The following INO80 variants were observed in gnomAD, a reference collection of about 807,000 sequenced individuals.
The protein encoded by INO80 is INO80 complex ATPase subunit.
INO80 carries 20 observed loss-of-function variants against 203.4 expected under a neutral mutation model. The ratio of observed to expected loss-of-function variants is 0.10; its 90% confidence interval spans 0.07 to 0.14. The LOEUF (loss-of-function observed/expected upper bound fraction) is 0.14. Among genes scored for constraint, INO80 ranks in the 10% least tolerant of loss-of-function variants. The probability of loss-of-function intolerance (pLI) is 1.00; values close to 1 mark genes in which losing one functional copy is unlikely to be tolerated. For synonymous variants in INO80, 726 were observed against 685.2 expected (o/e 1.06, Z -0.93); for missense variants, 1,419 against 1,914.4 (o/e 0.74, Z 4.83).
Position 41,027,579 on chromosome 15 carries a change from C to A in INO80, c.3048+17G>T. On this transcript the variant is annotated intron_variant, in intron 25 of 35. Coordinates refer to ENST00000648947, the MANE Select transcript of INO80 (RefSeq NM_017553.3). ...CTATTGCCATCTATTTCATCTCTTCCCTCCTGGAGCACTTACTCGTGGACT... is the reference window on the plus strand; with the variant it reads ...CTATTGCCATCTATTTCATCTCTTCACTCCTGGAGCACTTACTCGTGGACT... 6.4e-7 allele frequency: 1 copy of A among 1,572,342 alleles called. No individual in the cohort carries two copies. The highest frequency in any genetic ancestry group is 8.6e-7 in the Non-Finnish European group (1 of 1,157,990).
intron 25 of INO80, among the ~76,000 whole-genome samples, chr15:41,022,062 C>A (rs766888944): frequency 6.6e-6 from 1 of 152,218 alleles, no homozygotes; most frequent in Non-Finnish European, 1.5e-5. Context: ...GGTTGAATAT[C>A]CCTAATCTGA....
chr15:41,085,045 A>AT (rs2045539693), intron 7 of INO80, among the ~76,000 whole-genome samples: 1 of 152,040 alleles, frequency 6.6e-6, no homozygotes, highest in South Asian at 2.1e-4. Flanking sequence ...CCTCTTTTTA[A>AT]TTTTTTCTAA....
chr15:41,001,686 C>A (rs8040425), intron 28 of INO80, among the ~76,000 whole-genome samples: 4 of 152,134 alleles, frequency 2.6e-5, no homozygotes, highest in Admixed American at 2.6e-4. Flanking sequence ...AATGCTGCCC[C>A]GTCAGGACAT....
At chr15:41,083,094 A>G (rs2045508874) in intron 7 of INO80, among the ~76,000 whole-genome samples, 1 of 151,898 alleles carries the variant, frequency 6.6e-6, no homozygotes, top group African/African-American at 2.4e-5. Context: ...CAGCCTGGCT[A>G]ATAGGGTGAA....
intron 1 of INO80, among the ~76,000 whole-genome samples, chr15:41,100,945 C>T (rs1343308916): frequency 3.3e-5 from 5 of 151,526 alleles, no homozygotes; most frequent in Admixed American, 2.6e-4. Flanking sequence ...TCTCTCACCT[C>T]CAGCCTCCCA....
intron 14 of INO80, among the ~76,000 whole-genome samples, chr15:41,062,931 G>C (rs191126991): frequency 2.0e-3 from 306 of 152,330 alleles, no homozygotes; most frequent in African/African-American, 6.7e-3. Flanking sequence ...GCTAAGAGAG[G>C]GAGGGAGAGC....
Position 41,027,603 on chromosome 15 carries a change from C to A in INO80, c.3041G>T (p.Ser1014Ile), listed in dbSNP as rs1161904340. The A allele has an allele frequency of 6.2e-7, 1 of 1,609,352 alleles. No individual in the cohort carries two copies. Among genetic ancestry groups the A allele is most frequent in the Non-Finnish European group, 8.5e-7 (1 of 1,177,980 alleles). ...TELPSFLCVA[S>I]PRVTAVPLDS... ...CCCTCCTGGAGCACTTACTCGTGGACTGGCCACACACAAAAAAGATGGCAG... is the reference window on the plus strand; with the variant it reads ...CCCTCCTGGAGCACTTACTCGTGGAATGGCCACACACAAAAAAGATGGCAG... Residue 1014 changes from serine (S) to isoleucine (I), a missense_variant, in exon 25 of 36, where the codon AGT (serine) becomes ATT (isoleucine). Ser to Ile is a moderately radical substitution (Grantham distance 142). This residue lies in a region of INO80 where 302 missense variants were observed against 345.4 expected (regional missense o/e 0.87). Transcript: ENST00000648947.
At chr15:41,049,799 T>C (rs957859787) in intron 20 of INO80, 136 bp downstream of exon 20, 3 of 758,490 alleles carry the variant, frequency 4.0e-6, no homozygotes, top group Non-Finnish European at 6.4e-6. Flanking sequence ...GGCAGGAGAA[T>C]TGCCTGAACC....
chr15:40,988,500 T>A (rs1266080201), intron 29 of INO80, among the ~76,000 whole-genome samples: 1 of 152,184 alleles, frequency 6.6e-6, no homozygotes, highest in East Asian at 1.9e-4. Flanking sequence ...GTGGGAGGAT[T>A]GCTTGAGCCT....
At chr15:41,037,987 CCT>C (rs1009682542) in intron 24 of INO80, among the ~76,000 whole-genome samples, 2 of 150,700 alleles carry the variant, frequency 1.3e-5, no homozygotes, top group African/African-American at 4.9e-5. Context: ...CCACCAAATG[CCT>C]CTCTTGCCCC....
intron 25 of INO80, chr15:41,023,179 A>G (rs2044320525): frequency 2.4e-6 from 1 of 409,022 alleles, no homozygotes; most frequent in Non-Finnish European, 4.9e-6. Flanking sequence ...CCACTAATAC[A>G]TGAGCATGGG....
rs1034282834 is a variant in INO80, at chr15:41,027,673, G to A, written c.2971C>T (p.Arg991Trp). 1.1e-5 allele frequency: 17 copies of A among 1,613,630 alleles called. No homozygotes were observed. The highest frequency in any genetic ancestry group is 4.5e-5 in the East Asian group (2 of 44,878). ...CGCAGCGAGGAGGTAGCTGATCTCC[G>A]CTGATGGACAACCTGGTCTGAGTAG... is the stretch of plus-strand genomic sequence containing the variant. ...SGYSDQVVHQ[R>W]RSATSSLRRC... Residue 991 changes from arginine (R) to tryptophan (W), a missense_variant, in exon 25 of 36, where the codon CGG becomes TGG. Physicochemically the swap from Arg to Trp is moderately radical, Grantham distance 101. This residue lies in a region of INO80 where 302 missense variants were observed against 345.4 expected (regional missense o/e 0.87). Coordinates refer to ENST00000648947, the MANE Select transcript of INO80 (RefSeq NM_017553.3).
intron 1 of INO80, among the ~76,000 whole-genome samples, chr15:41,114,288 A>G (rs927169526): frequency 6.6e-6 from 1 of 151,098 alleles, no homozygotes; most frequent in Non-Finnish European, 1.5e-5. Flanking sequence ...AAAAAAAAAC[A>G]TTCATTTTAA....
At chr15:40,993,114 T>C (rs918761023) in intron 29 of INO80, among the ~76,000 whole-genome samples, 1 of 152,156 alleles carries the variant, frequency 6.6e-6, no homozygotes, top group African/African-American at 2.4e-5. Flanking sequence ...TTTCTGGCCT[T>C]CAGGATGAAA....
At chr15:41,000,572 G>C (rs1422753150) in intron 28 of INO80, among the ~76,000 whole-genome samples, 1 of 151,840 alleles carries the variant, frequency 6.6e-6, no homozygotes, top group Non-Finnish European at 1.5e-5. Flanking sequence ...GTACGAGCCT[G>C]TAGTCTCAGC....
At chr15:40,990,364 CTCTTTT>C (rs543519823) in intron 29 of INO80, among the ~76,000 whole-genome samples, 188 of 152,254 alleles carry the variant, frequency 1.2e-3, no homozygotes, top group African/African-American at 4.5e-3. Context: ...GTTTCTGTCT[CTCTTTT>C]TCTTTTCTGA....
Position 41,074,387 on chromosome 15 carries a change from A to G in INO80, c.1310T>C (p.Ile437Thr). Residue 437 changes from isoleucine (I) to threonine (T), a missense_variant, in exon 10 of 36, where the codon ATC becomes ACC. Ile to Thr is a moderately conservative substitution (Grantham distance 89). Around this residue, in one of 9 missense-constraint regions of INO80, gnomAD observed 116 missense variants for 119.5 expected, o/e 0.97. Transcript: ENST00000648947. The stretch of plus-strand genomic sequence containing the variant: ...GGACTCACCATAATCCTCCTGTGTG[A>G]TGTTAACTACCACTCCTCCACCTAT... Reference protein sequence around the residue: ...IDIGGGVVVNITQEDYDSNHF... With the variant: ...IDIGGGVVVNTTQEDYDSNHF... 1 of 1,611,788 alleles carries G rather than the reference A, an allele frequency of 6.2e-7. No homozygotes were observed. The highest frequency in any genetic ancestry group is 8.5e-7 in the Non-Finnish European group (1 of 1,179,114).
At chr15:41,104,547 CT>C (rs919327663) in intron 1 of INO80, among the ~76,000 whole-genome samples, 1 of 151,702 alleles carries the variant, frequency 6.6e-6, no homozygotes, top group African/African-American at 2.4e-5. Context: ...CTTTTCTTTT[CT>C]TTTTTTTAAA....
intron 1 of INO80, among the ~76,000 whole-genome samples, chr15:41,114,742 A>G (rs1039603692): frequency 6.6e-6 from 1 of 152,040 alleles, no homozygotes; most frequent in Non-Finnish European, 1.5e-5. Flanking sequence ...AAGTACTGAT[A>G]CCTGCTACAA....
Sources: allele counts gnomAD v4.1 joint callset (sites outside exome capture counted in the v4.1 genomes callset), GRCh38; gene constraint gnomAD v4.1.1; regional missense constraint gnomAD v4.1.1; transcripts MANE v1.5; gene names NCBI Gene and HGNC (gene_info 2026-07-23, HGNC 2026-07-21).